ANKRD31: variants seen among roughly 807,000 people sequenced by gnomAD.
The protein encoded by ANKRD31 is ankyrin repeat domain 31, also known as ankyrin repeat domain-containing protein 31.
Under a neutral mutation model 186.0 loss-of-function variants are expected in ANKRD31, and 147 were observed. The ratio of observed to expected loss-of-function variants is 0.79; its 90% CI spans 0.69 to 0.91. The LOEUF (loss-of-function observed/expected upper bound fraction) is 0.91, where lower values mean the gene tolerates loss of function less well. ANKRD31 is among the 40% of genes least tolerant of loss of function. The pLI is 0.00. For missense variants in ANKRD31, 1,986 were observed against 2,148.8 expected, an observed-to-expected ratio of 0.92 and a Z score of 1.50; for synonymous variants, 673 against 736.4, an observed-to-expected ratio of 0.91 and a Z score of 1.39.
At chr5:75,129,819 A>G (rs1047050463) in intron 17 of ANKRD31, among the ~76,000 whole-genome samples, 2 of 152,210 alleles carry the variant, frequency 1.3e-5, no homozygotes, top group Non-Finnish European at 2.9e-5. Context: ...GTGTGAGCCG[A>G]AGCAGGGCAG....
At chr5:75,101,482 G>A (rs1382555209) in intron 22 of ANKRD31, among the ~76,000 whole-genome samples, 2 of 152,128 alleles carry the variant, frequency 1.3e-5, no homozygotes, top group Non-Finnish European at 2.9e-5. Context: ...GCCTTGGTAG[G>A]TTGGGGAAGT....
At chr5:75,198,234 G>A (rs1433579350) in intron 6 of ANKRD31, among the ~76,000 whole-genome samples, 1 of 152,086 alleles carries the variant, frequency 6.6e-6, no homozygotes, top group Non-Finnish European at 1.5e-5. Context: ...CCTAAATAGA[G>A]GACACAAATT....
intron 10 of ANKRD31, among the ~76,000 whole-genome samples, chr5:75,177,623 C>T (rs1302566849): frequency 6.6e-6 from 1 of 152,092 alleles, no homozygotes; most frequent in East Asian, 1.9e-4. Context: ...ATTTCATATC[C>T]AGCCAAACTA....
chr5:75,164,695 T>C (rs1336621718), intron 11 of ANKRD31, among the ~76,000 whole-genome samples: 4 of 152,220 alleles, frequency 2.6e-5, no homozygotes, highest in African/African-American at 7.2e-5. Context: ...CTTTTTCTCA[T>C]GCTCCTTGAT....
At chr5:75,184,324 T>C (rs973551316) in intron 10 of ANKRD31, among the ~76,000 whole-genome samples, 5 of 152,094 alleles carry the variant, frequency 3.3e-5, no homozygotes, top group South Asian at 2.1e-4. Flanking sequence ...AAATGCTTCA[T>C]GACACTAGGC....
chr5:75,109,272 A>G (rs4361493), intron 20 of ANKRD31, among the ~76,000 whole-genome samples: 77,210 of 152,068 alleles, frequency 0.51, 22,667 homozygotes, highest in African/African-American at 0.82. Flanking sequence ...TTTCTGCCTC[A>G]GTTCAGTTGA....
chr5:75,195,103 C>CTGAGAA (rs1755377036), intron 7 of ANKRD31, among the ~76,000 whole-genome samples: 1 of 152,080 alleles, frequency 6.6e-6, no homozygotes, highest in African/African-American at 2.4e-5. Flanking sequence ...AAGAGCTATG[C>CTGAGAA]CACCTGATAG....
At chr5:75,198,320 G>A (rs1413862399) in intron 6 of ANKRD31, among the ~76,000 whole-genome samples, 2 of 152,102 alleles carry the variant, frequency 1.3e-5, no homozygotes, top group African/African-American at 4.8e-5. Context: ...CAATGCCACA[G>A]CACTGGCTTC....
chr5:75,147,051 G>A lies in ANKRD31; in HGVS notation c.2360C>T (p.Thr787Ile), dbSNP rs1751496169. ...TAATCCATTTCTCAGGCTTGACAGA[G>A]TTAAGCTGGAAGGTTCACACAATTC... Reference protein sequence around the residue: ...PEELCEPSSLTLSSLRNGLDS... With the variant: ...PEELCEPSSLILSSLRNGLDS... The change falls in exon 14 of 26, where the codon ACT (threonine) becomes ATT (isoleucine). Residue 787 changes from threonine (T) to isoleucine (I), a missense_variant. Transcript: ENST00000506364. 3 of 1,536,256 alleles carry A rather than the reference G, an allele frequency of 2.0e-6. No homozygotes were observed. In the South Asian group the frequency reaches 3.6e-5, roughly 18 times the overall value.
chr5:75,192,320 T>C (rs1755168824), intron 9 of ANKRD31, among the ~76,000 whole-genome samples: 1 of 152,312 alleles, frequency 6.6e-6, no homozygotes, highest in South Asian at 2.1e-4. Flanking sequence ...AAATAAGATC[T>C]AAGAATAATA....
intron 11 of ANKRD31, among the ~76,000 whole-genome samples, chr5:75,167,530 C>T (rs1208192785): frequency 6.6e-6 from 1 of 152,192 alleles, no homozygotes; most frequent in Non-Finnish European, 1.5e-5. Flanking sequence ...TCTTCTCTCA[C>T]CACTAGTCAG....
chr5:75,107,006 C>T (rs1747376486), intron 21 of ANKRD31, among the ~76,000 whole-genome samples: 1 of 150,452 alleles, frequency 6.6e-6, no homozygotes, highest in African/African-American at 2.4e-5. Context: ...AAAAATAATG[C>T]CCAAACAAGA....
At chr5:75,132,394 G>A (rs917002784) in intron 17 of ANKRD31, among the ~76,000 whole-genome samples, 3 of 152,108 alleles carry the variant, frequency 2.0e-5, no homozygotes, top group Admixed American at 6.5e-5. Flanking sequence ...TAGCCCATTC[G>A]ATCAACTGGA....
chr5:75,187,401 A>C (rs895522797), intron 10 of ANKRD31, among the ~76,000 whole-genome samples: 3 of 152,024 alleles, frequency 2.0e-5, no homozygotes, highest in Admixed American at 6.6e-5. Context: ...AAAGGTATAT[A>C]TTAACTGGCT....
At chr5:75,142,967 A>C (rs1339917699) in intron 15 of ANKRD31, among the ~76,000 whole-genome samples, 2 of 152,202 alleles carry the variant, frequency 1.3e-5, no homozygotes, top group African/African-American at 2.4e-5. Context: ...TGGGTGACTT[A>C]AAACAACAGA....
At chr5:75,125,053 A>G (rs1749123604) in intron 17 of ANKRD31, among the ~76,000 whole-genome samples, 1 of 152,210 alleles carries the variant, frequency 6.6e-6, no homozygotes, top group Non-Finnish European at 1.5e-5. Context: ...ATCCTTGGCC[A>G]AGTTACTTAT....
At chr5:75,195,113 GTAT>G (rs1755377873) in intron 7 of ANKRD31, among the ~76,000 whole-genome samples, 1 of 152,098 alleles carries the variant, frequency 6.6e-6, no homozygotes, top group Non-Finnish European at 1.5e-5. Flanking sequence ...CCACCTGATA[GTAT>G]TCTCAGACAT....
At chr5:75,229,888 C>CAAAA (rs796445150) in intron 2 of ANKRD31, among the ~76,000 whole-genome samples, 1 of 79,700 alleles carries the variant, frequency 1.3e-5, no homozygotes, top group African/African-American at 7.2e-5. Flanking sequence ...AAAAAAAAAA[C>CAAAA]AAAAAAAACA....
chr5:75,180,421 G>T (rs191847186), intron 10 of ANKRD31, among the ~76,000 whole-genome samples: 1 of 152,118 alleles, frequency 6.6e-6, no homozygotes, highest in Non-Finnish European at 1.5e-5. Flanking sequence ...AGCCCGCATC[G>T]CCAAGTCAAT....
Sources: allele counts gnomAD v4.1 joint callset (sites outside exome capture counted in the v4.1 genomes callset), GRCh38; gene constraint gnomAD v4.1.1; transcripts MANE v1.5; gene names NCBI Gene and HGNC (gene_info 2026-07-23, HGNC 2026-07-21).